Variants in SLC15A5 observed in about 807,000 individuals in gnomAD.
SLC15A5 encodes the protein Peptide/histidine transporter ENSP00000340402.
SLC15A5 carries 58 observed loss-of-function variants against 56.1 expected under a neutral mutation model. That is an observed-to-expected ratio of 1.03 (90% CI 0.84 to 1.29). The LOEUF (loss-of-function observed/expected upper bound fraction) is 1.29. Among genes scored for constraint, SLC15A5 ranks in the 50% most tolerant of loss-of-function variants. The probability of loss-of-function intolerance (pLI) is 0.00; values close to 1 mark genes in which losing one functional copy is unlikely to be tolerated. For missense variants in SLC15A5, 681 were observed against 672.1 expected (o/e 1.01, Z -0.15); for synonymous variants, 264 against 250.5 (o/e 1.05, Z -0.51).
At chr12:16,214,702 C>T (rs1864113459) in intron 7 of SLC15A5, among the ~76,000 whole-genome samples, 1 of 152,162 alleles carries the variant, frequency 6.6e-6, no homozygotes, top group Admixed American at 6.6e-5. Flanking sequence ...GGAACCCTCC[C>T]AGATCTTGTT....
In SLC15A5 at chr12:16,273,452, C is replaced by G. The variant is rs1410522115; in HGVS notation, c.362-669G>C. ...ACAAAAGAAGGTCGAGTATCCTTCTCTCTTCCACCTTGCAGGGACCACACT... is the reference window on the plus strand; with the variant it reads ...ACAAAAGAAGGTCGAGTATCCTTCTGTCTTCCACCTTGCAGGGACCACACT... On this transcript the variant is annotated intron_variant, in intron 1 of 8. Coordinates refer to ENST00000344941, the MANE Select transcript of SLC15A5 (RefSeq NM_001170798.1). Among the ~76,000 whole-genome samples the G allele has an allele frequency of 2.6e-5, 4 of 152,150 alleles. No individual in the cohort carries two copies. The East Asian group carries it at 5.8e-4, about 22-fold the overall frequency.
At chr12:16,197,612 C>T (rs1527010) in intron 7 of SLC15A5, among the ~76,000 whole-genome samples, 73,232 of 151,826 alleles carry the variant, frequency 0.48, 18,144 homozygotes, top group South Asian at 0.72. Flanking sequence ...TGTCAAGGGC[C>T]GGACACAGAG....
intron 6 of SLC15A5, among the ~76,000 whole-genome samples, chr12:16,220,358 T>A (rs1234068894): frequency 6.6e-6 from 1 of 152,224 alleles, no homozygotes; most frequent in Non-Finnish European, 1.5e-5. Context: ...GCCTTAATAC[T>A]TGGCAATTTT....
chr12:16,239,065 G>T (rs11836196), intron 5 of SLC15A5, among the ~76,000 whole-genome samples: 1,983 of 152,286 alleles, frequency 0.013, 43 homozygotes, highest in African/African-American at 0.045. Flanking sequence ...CTGATTCTTA[G>T]ATTGAAACTT....
At chr12:16,267,136 C>A (rs2136818927) in intron 2 of SLC15A5, among the ~76,000 whole-genome samples, 1 of 152,294 alleles carries the variant, frequency 6.6e-6, no homozygotes, top group African/African-American at 2.4e-5. Flanking sequence ...TAATCTGAGA[C>A]AGTATCAAAG....
chr12:16,253,319 G>T (rs550117537), intron 3 of SLC15A5, among the ~76,000 whole-genome samples: 24 of 152,090 alleles, frequency 1.6e-4, no homozygotes, highest in Non-Finnish European at 2.8e-4. Flanking sequence ...GCATTTCAAA[G>T]AAAACAATCC....
At chr12:16,245,550 C>T (rs1864453680) in intron 3 of SLC15A5, among the ~76,000 whole-genome samples, 1 of 152,172 alleles carries the variant, frequency 6.6e-6, no homozygotes, top group Non-Finnish European at 1.5e-5. Flanking sequence ...TTTTCTTTGA[C>T]TCCATTAGGA....
intron 3 of SLC15A5, among the ~76,000 whole-genome samples, chr12:16,254,411 C>T (rs1864548799): frequency 6.6e-6 from 1 of 152,042 alleles, no homozygotes; most frequent in African/African-American, 2.4e-5. Context: ...CATTGCATAA[C>T]AATATGAATA....
chr12:16,256,950 A>ATAGATAGT (rs1166047909), intron 3 of SLC15A5, among the ~76,000 whole-genome samples: 6 of 142,338 alleles, frequency 4.2e-5, no homozygotes, highest in South Asian at 2.3e-4. Flanking sequence ...AGATAGATAG[A>ATAGATAGT]TAGTTTCTGG....
At chr12:16,216,661 A>T (rs1158261020) in intron 7 of SLC15A5, among the ~76,000 whole-genome samples, 1 of 152,216 alleles carries the variant, frequency 6.6e-6, no homozygotes, top group African/African-American at 2.4e-5. Context: ...TTTAAAATAC[A>T]CTAAGGACAG....
chr12:16,199,091 A>G (rs1863924270), intron 7 of SLC15A5, among the ~76,000 whole-genome samples: 1 of 151,858 alleles, frequency 6.6e-6, no homozygotes, highest in African/African-American at 2.4e-5. Flanking sequence ...TCTCAACATT[A>G]TTCAAAGCAA....
Position 16,239,694 on chromosome 12 carries a change from C to G in SLC15A5, c.1149G>C (p.Leu383=). ...AATTGTACTTACTGATGCATGTTGACAGAAATGATCCAACTCTCTTAGAGG... is the reference window on the plus strand; with the variant it reads ...AATTGTACTTACTGATGCATGTTGAGAGAAATGATCCAACTCTCTTAGAGG... The part of the protein sequence containing the change: ...LFPSKRVGSF[L]STCIIAGNLF... The change falls in exon 5 of 9, where the codon CTG becomes CTC. Residue 383 remains leucine (L), a synonymous_variant. Transcript: ENST00000344941. 6 of 1,536,394 alleles carry G rather than the reference C, an allele frequency of 3.9e-6. No individual in the cohort carries two copies. The South Asian group carries it at 7.2e-5, about 18-fold the overall frequency.
chr12:16,253,558 A>G (rs1481792100), intron 3 of SLC15A5, among the ~76,000 whole-genome samples: 1 of 152,140 alleles, frequency 6.6e-6, no homozygotes, highest in Non-Finnish European at 1.5e-5. Context: ...ATCACTAATT[A>G]CTAGGGAAAT....
chr12:16,218,840 C>T (rs1465143454), intron 6 of SLC15A5, among the ~76,000 whole-genome samples: 1 of 152,054 alleles, frequency 6.6e-6, no homozygotes, highest in Non-Finnish European at 1.5e-5. Context: ...ATATTTACCC[C>T]TGGTTTTTTG....
intron 7 of SLC15A5, 139 bp downstream of exon 7, chr12:16,216,754 A>G (rs1864133145): frequency 6.9e-6 from 5 of 723,840 alleles, no homozygotes; most frequent in Non-Finnish European, 1.1e-5. Flanking sequence ...TGTATTTCCT[A>G]TCTTAATTCT....
intron 7 of SLC15A5, among the ~76,000 whole-genome samples, chr12:16,214,986 C>T (rs1278783590): frequency 1.3e-5 from 2 of 151,662 alleles, no homozygotes; most frequent in Non-Finnish European, 2.9e-5. Flanking sequence ...GGGCGGATCA[C>T]GAGGTCAAGA....
intron 3 of SLC15A5, among the ~76,000 whole-genome samples, chr12:16,247,863 A>T (rs916098538): frequency 6.6e-6 from 1 of 152,116 alleles, no homozygotes; most frequent in Non-Finnish European, 1.5e-5. Context: ...AGATCTTATG[A>T]TGTATATTTT....
chr12:16,272,679 A>C lies in SLC15A5; in HGVS notation c.466T>G (p.Tyr156Asp), dbSNP rs1468181010. Reference protein sequence around the residue: ...IPKTEQHRLFYVALLTICLGI... With the variant: ...IPKTEQHRLFDVALLTICLGI... ...AGGCAAATGGTCAGCAGTGCTACAT[A>C]AAACAGCCTGTGCTGCTCTGTTTTT... The change falls in exon 2 of 9, where the codon TAT becomes GAT. Residue 156 changes from tyrosine to aspartate, a missense_variant. Tyr to Asp is a radical substitution (Grantham distance 160, BLOSUM62 -3). Transcript: ENST00000344941. The C allele has an allele frequency of 2.6e-6, 4 of 1,537,072 alleles. No individual in the cohort carries two copies. In the African/African-American group the frequency reaches 5.5e-5, roughly 21 times the overall value.
At chr12:16,257,204 A>C (rs1864585349) in intron 3 of SLC15A5, among the ~76,000 whole-genome samples, 1 of 152,114 alleles carries the variant, frequency 6.6e-6, no homozygotes, top group African/African-American at 2.4e-5. Context: ...ATGTATGCAT[A>C]CACCTACATA....
Sources: gnomAD v4.1 joint callset for allele counts (sites outside exome capture counted in the v4.1 genomes callset) on GRCh38, gnomAD v4.1.1 for gene constraint, MANE v1.5 for transcripts, NCBI Gene and HGNC (gene_info 2026-07-23, HGNC 2026-07-21) for gene names.